Variants in PCNT observed in about 807,000 individuals in gnomAD.
PCNT encodes pericentrin.
Under a neutral mutation model 380.4 loss-of-function variants are expected in PCNT, and 319 were observed. The observed-to-expected ratio is 0.84, with a 90% CI of 0.77 to 0.92. The LOEUF (loss-of-function observed/expected upper bound fraction) is 0.92. Among genes scored for constraint, PCNT ranks in the 40% least tolerant of loss-of-function variants. The pLI, the probability that PCNT is intolerant of heterozygous loss-of-function variation, is 0.00. For missense variants in PCNT, 4,400 were observed against 4,255.3 expected, an observed-to-expected ratio of 1.03 and a Z score of -0.95; for synonymous variants, 1,845 against 1,735.2, an observed-to-expected ratio of 1.06 and a Z score of -1.57.
intron 11 of PCNT, among the ~76,000 whole-genome samples, chr21:46,355,019 G>C (rs555701737): frequency 2.4e-3 from 360 of 152,326 alleles, no homozygotes; most frequent in Non-Finnish European, 3.7e-3. Context: ...CTGCCTCTGC[G>C]CGTGGGTGTG....
chr21:46,440,726 T>C (rs1352566707), intron 42 of PCNT, 129 bp from the exon 43 acceptor site: 8 of 530,718 alleles, frequency 1.5e-5, no homozygotes, highest in Non-Finnish European at 9.5e-6. Context: ...GGAAGGCCGA[T>C]GGCTCTGTGA....
rs2087446501 is a variant in PCNT at position 46,425,265 on chromosome 21, C to T, written c.7180-566C>T. On this transcript the variant is annotated intron_variant, in intron 32 of 46. Coordinates refer to ENST00000359568, the MANE Select transcript of PCNT (RefSeq NM_006031.6). This position sits in a 1 kb window ranked among gnomAD's most constrained non-coding sequence, Gnocchi z 4.2. ...CGTAATCGGTGGGATAAAGCAGCCGCCTCGTGTTCACAGACCTGTGGGCAG... is the reference window on the plus strand; with the variant it reads ...CGTAATCGGTGGGATAAAGCAGCCGTCTCGTGTTCACAGACCTGTGGGCAG... Among the ~76,000 whole-genome samples the T allele has an allele frequency of 2.0e-5, 3 of 152,206 alleles. No individual in the cohort carries two copies. In the South Asian group the frequency reaches 6.2e-4, roughly 31 times the overall value.
At chr21:46,346,564 G>A (rs2084074443) in intron 4 of PCNT, among the ~76,000 whole-genome samples, 179 bp from the exon 5 acceptor site, 1 of 152,204 alleles carries the variant, frequency 6.6e-6, no homozygotes, top group Non-Finnish European at 1.5e-5. Flanking sequence ...CACTGGCAGA[G>A]GAGCTGGGTG....
chr21:46,352,910 C>T (rs1160054422), intron 9 of PCNT, among the ~76,000 whole-genome samples, 194 bp from the exon 10 acceptor site: 1 of 152,176 alleles, frequency 6.6e-6, no homozygotes, highest in Non-Finnish European at 1.5e-5. Flanking sequence ...CTCTTGCCAC[C>T]GCTTGGAGAG....
At chr21:46,399,478 G>T (rs1208245762) in intron 24 of PCNT, 112 bp from the exon 25 acceptor site, 7 of 774,258 alleles carry the variant, frequency 9.0e-6, no homozygotes, top group Non-Finnish European at 1.6e-5. Context: ...GGGTCTAGGG[G>T]AGGGCATAGG....
chr21:46,327,738 G>T (rs557217854), intron 2 of PCNT, among the ~76,000 whole-genome samples: 1 of 152,348 alleles, frequency 6.6e-6, no homozygotes, highest in South Asian at 2.1e-4. Context: ...TCACATAGTT[G>T]TAAATGCACC....
rs771714044 is a variant in PCNT, at chr21:46,367,041, C to T, written c.3067C>T (p.His1023Tyr). 1.2e-6 allele frequency: 2 copies of T among 1,614,112 alleles called. No homozygotes were observed. The highest frequency in any genetic ancestry group is 1.7e-6 in the Non-Finnish European group (2 of 1,180,024). ...TQELEKLKRKHEGELQSVRDH... is the reference protein window; with the variant it reads ...TQELEKLKRKYEGELQSVRDH... ...AGAGTTGGAGAAACTGAAGCGGAAACACGAAGGGGAGCTACAGTCTGTGCG... is the reference window on the plus strand; with the variant it reads ...AGAGTTGGAGAAACTGAAGCGGAAATACGAAGGGGAGCTACAGTCTGTGCG... The change falls in exon 15 of 47, where the codon CAC becomes TAC. Residue 1023 changes from histidine to tyrosine, a missense_variant. His to Tyr is a moderately conservative substitution (Grantham distance 83). Coordinates refer to ENST00000359568, the MANE Select transcript of PCNT (RefSeq NM_006031.6).
intron 5 of PCNT, 50 bp from the exon 6 acceptor site, chr21:46,347,407 T>C: frequency 6.2e-7 from 1 of 1,602,126 alleles, no homozygotes. Flanking sequence ...GTTGGGTCAC[T>C]GAAAAGGTTG....
chr21:46,369,472 C>T (rs1482806194), intron 15 of PCNT, among the ~76,000 whole-genome samples: 2 of 152,254 alleles, frequency 1.3e-5, no homozygotes, highest in Admixed American at 1.3e-4. Flanking sequence ...CAGGCCAGTC[C>T]TCAGATGCCA....
At chr21:46,347,427 G>A (rs1291711196) in intron 5 of PCNT, 30 bp from the exon 6 acceptor site, 29 of 1,613,220 alleles carry the variant, frequency 1.8e-5, no homozygotes, top group Non-Finnish European at 2.3e-5. Flanking sequence ...GAGATGGAGT[G>A]GCCTGAGCTG....
intron 33 of PCNT, among the ~76,000 whole-genome samples, chr21:46,427,385 G>A (rs1259656893): frequency 6.6e-6 from 1 of 152,196 alleles, no homozygotes; most frequent in African/African-American, 2.4e-5. Context: ...GTGCCCACAG[G>A]GTTGGATTCT....
rs956247994 is a variant in PCNT at position 46,391,081 on chromosome 21, T to A, written c.4004-83T>A. The A allele has an allele frequency of 4.5e-6, 6 of 1,344,366 alleles. No homozygotes were observed. In the Admixed American group the frequency reaches 9.9e-5, roughly 22 times the overall value. The allele number at this position is 1,344,366 out of a possible 1,614,324, so 83.3% of individuals were successfully genotyped here. On this transcript the variant is annotated intron_variant, in intron 20 of 46. Transcript: ENST00000359568. ...TTAGCTCTGCTGCTCTCAGGGGCAG[T>A]GGCCCCGTCCCTTCCTCCAAGCAGG...
At chr21:46,409,335 C>T (rs1395366142) in intron 27 of PCNT, among the ~76,000 whole-genome samples, 2 of 151,604 alleles carry the variant, frequency 1.3e-5, no homozygotes, top group Non-Finnish European at 2.9e-5. Flanking sequence ...ATTACAGGCA[C>T]CTGCCACTAT....
intron 27 of PCNT, among the ~76,000 whole-genome samples, chr21:46,409,249 C>A (rs1437408689): frequency 7.2e-6 from 1 of 139,430 alleles, no homozygotes; most frequent in African/African-American, 2.7e-5. Context: ...AGTTCAGTAG[C>A]GCATTTTTGG....
chr21:46,403,755 G>A (rs1295894637), intron 27 of PCNT, among the ~76,000 whole-genome samples: 6 of 143,714 alleles, frequency 4.2e-5, no homozygotes, highest in Non-Finnish European at 7.5e-5. Flanking sequence ...TGCCCACGCG[G>A]CGCGTGCTCG....
intron 3 of PCNT, among the ~76,000 whole-genome samples, chr21:46,337,196 C>G (rs1422566771): frequency 1.3e-5 from 2 of 151,974 alleles, no homozygotes; most frequent in Non-Finnish European, 2.9e-5. Flanking sequence ...AGGCTGGTCT[C>G]CAACTCCTGA....
chr21:46,412,589 A>T, intron 28 of PCNT, among the ~76,000 whole-genome samples: 1 of 152,164 alleles, frequency 6.6e-6, no homozygotes, highest in Non-Finnish European at 1.5e-5. Flanking sequence ...AGTGGCTCCC[A>T]CTCTCAGATG....
At chr21:46,380,992 G>C (rs11089063) in intron 15 of PCNT, among the ~76,000 whole-genome samples, 49,021 of 151,742 alleles carry the variant, frequency 0.32, 8,409 homozygotes, top group Middle Eastern at 0.42. Flanking sequence ...GGTTTTGGTA[G>C]AAACCCTATC....
At chr21:46,379,889 AG>A (rs1218036750) in intron 15 of PCNT, among the ~76,000 whole-genome samples, 2 of 152,146 alleles carry the variant, frequency 1.3e-5, no homozygotes, top group African/African-American at 4.8e-5. Context: ...TGCTGTGCCA[AG>A]CCACATGGTC....
Sources: allele counts gnomAD v4.1 joint callset (sites outside exome capture counted in the v4.1 genomes callset), GRCh38; gene constraint gnomAD v4.1.1; non-coding constraint Gnocchi (gnomAD v3.1); transcripts MANE v1.5; gene names NCBI Gene and HGNC (gene_info 2026-07-23, HGNC 2026-07-21).